Variants in ARL9 observed in about 807,000 individuals in gnomAD.
ARL9 encodes ARF like GTPase 9.
Under a neutral mutation model 27.0 loss-of-function variants are expected in ARL9, and 14 were observed. The ratio of observed to expected loss-of-function variants is 0.52; its 90% confidence interval spans 0.34 to 0.81. The LOEUF (loss-of-function observed/expected upper bound fraction) is 0.81, where lower values mean the gene tolerates loss of function less well. ARL9 is among the 30% of genes least tolerant of loss of function. ARL9 has a pLI of 0.01. For missense variants in ARL9, 294 were observed against 290.0 expected (o/e 1.01, Z -0.10); for synonymous variants, 106 against 108.7 (o/e 0.98, Z 0.15).
chr4:56,518,647 G>C, intron 2 of ARL9, 31 bp from the exon 3 acceptor site: 4 of 1,587,914 alleles, frequency 2.5e-6, no homozygotes, highest in Non-Finnish European at 3.4e-6. Context: ...TTTTGTGTGT[G>C]TGTGTCTTCT....
intron 3 of ARL9, among the ~76,000 whole-genome samples, chr4:56,521,948 T>C (rs561312237): frequency 6.6e-6 from 1 of 152,062 alleles, no homozygotes; most frequent in South Asian, 2.1e-4. Flanking sequence ...TACAAAAGAT[T>C]TTCTTCCCTT....
At chr4:56,506,357 C>A (rs1369707735) in intron 1 of ARL9, among the ~76,000 whole-genome samples, 2 of 152,160 alleles carry the variant, frequency 1.3e-5, no homozygotes, top group Non-Finnish European at 2.9e-5. Context: ...CTTATCGCTA[C>A]CCCTGTGTCT....
Position 56,511,228 on chromosome 4 carries a change from G to GA in ARL9, c.328dup (p.Thr110AsnfsTer30). 1 of 1,612,110 alleles carries GA rather than the reference G, an allele frequency of 6.2e-7. No homozygotes were observed. Among genetic ancestry groups the GA allele is most frequent in the Non-Finnish European group, 8.5e-7 (1 of 1,179,032 alleles). ...CTAGTGCTGGGCCTGGATGGAGCAG[G>GA]AAAAACCAGTGTCCTGCACTCTCTA... is the stretch of plus-strand genomic sequence containing the variant. On this transcript the variant is annotated frameshift_variant, in exon 2 of 4. Transcript: ENST00000640821. LOFTEE classifies it high-confidence loss of function.
At chr4:56,517,524 A>G (rs563724028) in intron 2 of ARL9, among the ~76,000 whole-genome samples, 1 of 152,314 alleles carries the variant, frequency 6.6e-6, no homozygotes, top group Non-Finnish European at 1.5e-5. Context: ...GGGCACCAAA[A>G]TCTAAATTTG....
chr4:56,509,043 T>A lies in ARL9; in HGVS notation c.280-2142T>A, dbSNP rs531944437. On this transcript the variant is annotated intron_variant, in intron 1 of 3. Coordinates refer to ENST00000640821, the MANE Select transcript of ARL9 (RefSeq NM_001363794.2). ...TGAGCAGTCTGGCTATATTGTTGCT[T>A]ATTTATTATTGTTTATGTTAAAGTT... Among the ~76,000 whole-genome samples the A allele has an allele frequency of 2.6e-5, 4 of 152,292 alleles. No individual in the cohort carries two copies. In the South Asian group the frequency reaches 8.3e-4, roughly 32 times the overall value.
At chr4:56,515,275 A>T (rs979539899) in intron 2 of ARL9, among the ~76,000 whole-genome samples, 32 of 151,114 alleles carry the variant, frequency 2.1e-4, no homozygotes, top group Admixed American at 7.3e-4. Flanking sequence ...AAAAAAAAAA[A>T]TTTGAAAAAA....
At chr4:56,519,309 C>T (rs868579453) in intron 3 of ARL9, among the ~76,000 whole-genome samples, 35 of 152,052 alleles carry the variant, frequency 2.3e-4, no homozygotes, top group African/African-American at 7.7e-4. Context: ...AACATGGTTC[C>T]GCAAAAGAAT....
At chr4:56,518,370 A>C (rs1396292118) in intron 2 of ARL9, among the ~76,000 whole-genome samples, 1 of 152,170 alleles carries the variant, frequency 6.6e-6, no homozygotes, top group East Asian at 1.9e-4. Flanking sequence ...ACTGATAAAC[A>C]TGCAGTGGCT....
At chr4:56,521,013 C>T (rs933966199) in intron 3 of ARL9, among the ~76,000 whole-genome samples, 1 of 152,082 alleles carries the variant, frequency 6.6e-6, no homozygotes, top group Middle Eastern at 3.4e-3. Flanking sequence ...AGTTCGAGAC[C>T]AGCCTGGCCA....
upstream of ARL9, chr4:56,505,709 C>G: frequency 7.8e-7 from 1 of 1,281,384 alleles, no homozygotes; most frequent in Non-Finnish European, 1.0e-6. Context: ...CGGCGGTTGG[C>G]GGCGGTGCCG....
At chr4:56,511,050 G>A in intron 1 of ARL9, 135 bp from the exon 2 acceptor site, 1 of 836,700 alleles carries the variant, frequency 1.2e-6, no homozygotes, top group Non-Finnish European at 1.7e-6. Context: ...TGGGATTACA[G>A]GCGTGAGCCA....
At chr4:56,521,769 T>C (rs77668190) in intron 3 of ARL9, among the ~76,000 whole-genome samples, 1,994 of 152,318 alleles carry the variant, frequency 0.013, 49 homozygotes, top group African/African-American at 0.046. Context: ...CATCTGTAAA[T>C]TGCCTATTAA....
At chr4:56,523,209 G>A (rs1721974700) in intron 3 of ARL9, among the ~76,000 whole-genome samples, 1 of 152,156 alleles carries the variant, frequency 6.6e-6, no homozygotes, top group South Asian at 2.1e-4. Context: ...AACATAGCAA[G>A]ATGCTCCTCT....
chr4:56,506,114 C>G lies in ARL9; in HGVS notation c.252C>G (p.Thr84=), dbSNP rs575640725. The G allele has an allele frequency of 8.1e-7, 1 of 1,233,630 alleles. No homozygotes were observed. The highest frequency in any genetic ancestry group is 4.1e-5 in the South Asian group (1 of 24,338). The allele number at this position is 1,233,630 out of a possible 1,614,324, so 76.4% of individuals were successfully genotyped here. A position where few individuals can be genotyped will look rare whatever the true frequency, so the allele number is the denominator to read the frequency against. ...QEEKGENKDS[T]LTRTPLEPLE... The stretch of plus-strand genomic sequence containing the variant: ...AGAAAGGGGAGAACAAGGACAGCAC[C>G]TTGACAAGGACCCCGCTCGAGCCGC... Residue 84 remains threonine, a synonymous_variant, in exon 1 of 4, where the codon ACC becomes ACG. Transcript: ENST00000640821.
At position 56,524,121 on chromosome 4, in the gene ARL9, CA is replaced by C; in HGVS notation, c.*246del. The C allele has an allele frequency of 2.5e-6, 1 of 398,904 alleles. No homozygotes were observed. 24.7% of individuals were successfully genotyped at this position (398,904 alleles called of 1,614,324 possible). Reference sequence around the variant, plus strand: ...TAATAACACAACAATAAAAATAATACACATTTTAAAATACAATATAACAACT... The same window carrying C: ...TAATAACACAACAATAAAAATAATACCATTTTAAAATACAATATAACAACT... On this transcript the variant is annotated 3_prime_UTR_variant, in exon 4 of 4. Coordinates refer to ENST00000640821, the MANE Select transcript of ARL9 (RefSeq NM_001363794.2).
At chr4:56,515,693 A>T (rs1373739695) in intron 2 of ARL9, among the ~76,000 whole-genome samples, 1 of 152,212 alleles carries the variant, frequency 6.6e-6, no homozygotes, top group Non-Finnish European at 1.5e-5. Flanking sequence ...TATTTCTGTT[A>T]TGCAGCAGCA....
At chr4:56,515,858 A>G (rs1345183971) in intron 2 of ARL9, among the ~76,000 whole-genome samples, 1 of 152,160 alleles carries the variant, frequency 6.6e-6, no homozygotes, top group Non-Finnish European at 1.5e-5. Flanking sequence ...ATATCAAAAG[A>G]ATTAATTCTC....
chr4:56,505,390 C>T, upstream of ARL9: 1 of 457,370 alleles, frequency 2.2e-6, no homozygotes, highest in Non-Finnish European at 4.4e-6. Flanking sequence ...GATTCTGACG[C>T]CCCAGGGGTT....
At chr4:56,512,908 A>G (rs1293128664) in intron 2 of ARL9, among the ~76,000 whole-genome samples, 4 of 152,156 alleles carry the variant, frequency 2.6e-5, no homozygotes, top group Non-Finnish European at 1.5e-5. Context: ...TTTTAATAAC[A>G]TTCACTATTT....
Sources: allele counts gnomAD v4.1 joint callset (sites outside exome capture counted in the v4.1 genomes callset), GRCh38; gene constraint gnomAD v4.1.1; transcripts MANE v1.5; gene names NCBI Gene and HGNC (gene_info 2026-07-23, HGNC 2026-07-21).